Variants in COL12A1 observed in about 807,000 individuals in gnomAD.
COL12A1 encodes collagen alpha-1(XII) chain.
A neutral mutation model predicts 349.7 loss-of-function variants in COL12A1; 114 were observed. The observed-to-expected ratio is 0.33, with a 90% confidence interval of 0.28 to 0.38. COL12A1 has a LOEUF of 0.38. Ranked by LOEUF, COL12A1 falls within the 10% of genes least tolerant of loss-of-function variation. The probability of loss-of-function intolerance (pLI) is 1.00; values close to 1 mark genes in which losing one functional copy is unlikely to be tolerated. For missense variants in COL12A1, 3,284 were observed against 3,756.9 expected (o/e 0.87, Z 3.29); for synonymous variants, 1,369 against 1,329.0 (o/e 1.03, Z -0.66).
intron 2 of COL12A1, among the ~76,000 whole-genome samples, chr6:75,198,654 G>T (rs1327137032): frequency 6.6e-6 from 1 of 152,008 alleles, no homozygotes; most frequent in Non-Finnish European, 1.5e-5. Context: ...TTTTAATAGG[G>T]CACCCAAAAA....
Position 75,085,450 on chromosome 6 carries a change from TGATG to T in COL12A1, c.*1093_*1096del. 2.3e-6 allele frequency: 1 copy of T among 427,896 alleles called. No individual in the cohort carries two copies. The highest frequency in any genetic ancestry group is 1.7e-5 in the South Asian group (1 of 58,882). 26.5% of individuals were successfully genotyped at this position (427,896 alleles called of 1,614,324 possible). Reference sequence around the variant, plus strand: ...GCAAAAGCTAAATCATCACCCGCGGTGATGGCACTCCAGTCTTAATCTCATAACT... The same window carrying T: ...GCAAAAGCTAAATCATCACCCGCGGTGCACTCCAGTCTTAATCTCATAACT... On this transcript the variant is annotated 3_prime_UTR_variant, in exon 66 of 66. Transcript: ENST00000322507.
intron 27 of COL12A1, among the ~76,000 whole-genome samples, chr6:75,140,224 T>G (rs1478761867): frequency 6.6e-6 from 1 of 152,224 alleles, no homozygotes; most frequent in Non-Finnish European, 1.5e-5. Context: ...CTGATGCATA[T>G]GCATCAATTC....
intron 30 of COL12A1, 115 bp from the exon 31 acceptor site, chr6:75,137,694 T>A: frequency 9.0e-7 from 1 of 1,114,852 alleles, no homozygotes; most frequent in South Asian, 1.5e-5. Context: ...TATAATTAAA[T>A]TCGTTCCCTT....
chr6:75,201,646 T>A (rs1770536000), intron 2 of COL12A1, among the ~76,000 whole-genome samples: 1 of 151,878 alleles, frequency 6.6e-6, no homozygotes, highest in Admixed American at 6.6e-5. Context: ...AAAAAAGATA[T>A]CTTTCATGAC....
intron 2 of COL12A1, among the ~76,000 whole-genome samples, chr6:75,201,902 G>C (rs1256062480): frequency 6.6e-6 from 1 of 152,212 alleles, no homozygotes; most frequent in Admixed American, 6.5e-5. Flanking sequence ...GCGCCCCACT[G>C]CCTCCGCGGG....
At chr6:75,186,478 G>A (rs546025740) in intron 8 of COL12A1, among the ~76,000 whole-genome samples, 1 of 152,174 alleles carries the variant, frequency 6.6e-6, no homozygotes, top group Non-Finnish European at 1.5e-5. Context: ...ACAAATGCTG[G>A]TGAGGTAGTG....
At chr6:75,187,617 C>T (rs543276380) in intron 8 of COL12A1, among the ~76,000 whole-genome samples, 1 of 151,982 alleles carries the variant, frequency 6.6e-6, no homozygotes, top group African/African-American at 2.4e-5. Flanking sequence ...GAATTAGGGC[C>T]AATGAACATT....
At chr6:75,168,427 A>G (rs1263759484) in intron 13 of COL12A1, among the ~76,000 whole-genome samples, 1 of 152,208 alleles carries the variant, frequency 6.6e-6, no homozygotes, top group East Asian at 1.9e-4. Context: ...GCAGGATGGA[A>G]GCTGGCAAGT....
rs938628256 is a variant in COL12A1 at position 75,097,447 on chromosome 6, A to C, written c.8524-141T>G. The C allele has an allele frequency of 5.3e-5, 28 of 524,428 alleles. No individual in the cohort carries two copies. The highest frequency in any genetic ancestry group is 5.2e-4 in the African/African-American group (27 of 52,316). The allele number at this position is 524,428 out of a possible 1,614,324, so 32.5% of individuals were successfully genotyped here. ...TGTTTGGGAGGTAAGCTTTCAATAAAAAGACAAACAGCAAAAAAAATAAAA... is the reference window on the plus strand; with the variant it reads ...TGTTTGGGAGGTAAGCTTTCAATAACAAGACAAACAGCAAAAAAAATAAAA... On this transcript the variant is annotated intron_variant, in intron 58 of 65. Coordinates refer to ENST00000322507, the MANE Select transcript of COL12A1 (RefSeq NM_004370.6).
intron 37 of COL12A1, among the ~76,000 whole-genome samples, chr6:75,128,642 G>A (rs971098990): frequency 6.6e-6 from 1 of 152,266 alleles, no homozygotes; most frequent in African/African-American, 2.4e-5. Flanking sequence ...TCAAATCCCA[G>A]ATCAGCCACT....
At chr6:75,113,373 A>T (rs1235840830) in intron 50 of COL12A1, 60 bp from the exon 51 acceptor site, 1 of 1,130,424 alleles carries the variant, frequency 8.8e-7, no homozygotes, top group Non-Finnish European at 1.2e-6. Context: ...TATTTAAAGT[A>T]TTAGCAAATA....
chr6:75,136,828 C>G (rs1410406616), intron 31 of COL12A1, among the ~76,000 whole-genome samples: 1 of 151,940 alleles, frequency 6.6e-6, no homozygotes, highest in Non-Finnish European at 1.5e-5. Flanking sequence ...GTAAAATGGA[C>G]AAAGGTTCTA....
intron 14 of COL12A1, among the ~76,000 whole-genome samples, chr6:75,161,414 T>C (rs1768019652): frequency 6.6e-6 from 1 of 152,166 alleles, no homozygotes; most frequent in East Asian, 1.9e-4. Flanking sequence ...TTAAAAAATA[T>C]TGTCTATCAG....
intron 4 of COL12A1, 107 bp from the exon 5 acceptor site, chr6:75,191,867 A>T (rs1769948307): frequency 1.6e-6 from 1 of 617,660 alleles, no homozygotes; most frequent in Non-Finnish European, 2.5e-6. Flanking sequence ...TCTTAAATGT[A>T]TGGCTCTGCC....
rs1766266455 is a variant in COL12A1, at chr6:75,130,864, G to C, written c.6055C>G (p.Gln2019Glu). The C allele has an allele frequency of 6.2e-7, 1 of 1,613,908 alleles. No individual in the cohort carries two copies. The highest frequency in any genetic ancestry group is 1.3e-5 in the African/African-American group (1 of 74,888). The change falls in exon 36 of 66, where the codon CAG (glutamine) becomes GAG (glutamate). Residue 2019 changes from glutamine (Q) to glutamate (E), a missense_variant. Gln to Glu is a conservative substitution (Grantham distance 29, BLOSUM62 2). Transcript: ENST00000322507. ...ATTTCTGCCTCACGCGTTCGGCCCT[G>C]GGCAGGGCTGGGATTTCCCTCTCCA... ...SDGEGNPSPA[Q>E]GRTLPRSGPR...
At chr6:75,175,790 TTCCCTAGGGGGAAAAAAAG>T (rs1768906252) in intron 12 of COL12A1, among the ~76,000 whole-genome samples, 1 of 152,222 alleles carries the variant, frequency 6.6e-6, no homozygotes, top group South Asian at 2.1e-4. Context: ...ACATATTGCT[TTCCCTAGGGGGAAAAAAAG>T]TAAGAGAAAA....
At chr6:75,138,643 C>G (rs576285523) in intron 28 of COL12A1, 63 bp from the exon 29 acceptor site, 1 of 1,594,624 alleles carries the variant, frequency 6.3e-7, no homozygotes, top group African/African-American at 1.3e-5. Context: ...ATCATACACA[C>G]TCAATGGCAG....
rs1768704834 is a variant in COL12A1, at chr6:75,109,057, A to C, written c.8061T>G (p.Ile2687Met). 2 of 1,612,146 alleles carry C rather than the reference A, an allele frequency of 1.2e-6. No homozygotes were observed. Among genetic ancestry groups the C allele is most frequent in the Non-Finnish European group, 1.7e-6 (2 of 1,179,318 alleles). Reference sequence around the variant, plus strand: ...TTTCCCCTTTAAGGAGTTTTCCAAGAATTTCATAACCATCAGTTGTTATAT... The same window carrying C: ...TTTCCCCTTTAAGGAGTTTTCCAAGCATTTCATAACCATCAGTTGTTATAT... ...AGNITTDGYEILGKLLKGERK... is the reference protein window; with the variant it reads ...AGNITTDGYEMLGKLLKGERK... Residue 2687 changes from isoleucine to methionine, a missense_variant, in exon 52 of 66, where the codon ATT becomes ATG. Transcript: ENST00000322507.
chr6:75,150,141 A>T (rs562301758), intron 21 of COL12A1, among the ~76,000 whole-genome samples: 34 of 152,256 alleles, frequency 2.2e-4, no homozygotes, highest in African/African-American at 7.7e-4. Context: ...TCCAAAACCA[A>T]ATTAAATTAA....
Sources: allele counts gnomAD v4.1 joint callset (sites outside exome capture counted in the v4.1 genomes callset), GRCh38; gene constraint gnomAD v4.1.1; transcripts MANE v1.5; gene names NCBI Gene and HGNC (gene_info 2026-07-23, HGNC 2026-07-21).